Variants in ERAP2 observed in about 807,000 individuals in gnomAD.
ERAP2 encodes the protein leukocyte-derived arginine aminopeptidase.
In ERAP2, 118 loss-of-function variants were observed where a neutral mutation model predicts 111.1. The observed-to-expected ratio is 1.06, with a 90% confidence interval of 0.92 to 1.24. The LOEUF is 1.24. Among genes scored for constraint, ERAP2 ranks in the 50% most tolerant of loss-of-function variants. The probability of loss-of-function intolerance (pLI) is 0.00; values close to 1 mark genes in which losing one functional copy is unlikely to be tolerated. For synonymous variants in ERAP2, 410 were observed against 401.2 expected (o/e 1.02, Z -0.26); for missense variants, 1,131 against 1,125.8 (o/e 1.00, Z -0.07).
intron 1 of ERAP2, 121 bp from the exon 2 acceptor site, chr5:96,879,443 G>A (rs1052516189): frequency 4.7e-6 from 2 of 422,000 alleles, no homozygotes; most frequent in Non-Finnish European, 8.5e-6. Flanking sequence ...GTGGATACTT[G>A]GCCTAATTCT....
Position 96,917,610 on chromosome 5 carries a change from T to A in ERAP2, c.*5T>A. On this transcript the variant is annotated 3_prime_UTR_variant, in exon 19 of 19. Transcript: ENST00000437043. ...TGGCTAATGGTTAATACTTAAATGG[T>A]CAATAGAAAAAGTAGGCTGGGCGCG... 1 of 1,602,092 alleles carries A rather than the reference T, an allele frequency of 6.2e-7. No homozygotes were observed. Among genetic ancestry groups the A allele is most frequent in the South Asian group, 1.1e-5 (1 of 90,442 alleles).
At chr5:96,884,180 G>T (rs1783489416) in intron 3 of ERAP2, among the ~76,000 whole-genome samples, 1 of 151,708 alleles carries the variant, frequency 6.6e-6, no homozygotes, top group South Asian at 2.1e-4. Context: ...TTTATATTTT[G>T]TGTTCATATG....
chr5:96,915,967 A>C (rs1467748942), intron 18 of ERAP2, 198 bp downstream of exon 18: 1 of 429,440 alleles, frequency 2.3e-6, no homozygotes, highest in East Asian at 4.2e-5. Flanking sequence ...TCACACCTGT[A>C]ATCCCACCAC....
intron 12 of ERAP2, 57 bp downstream of exon 12, chr5:96,902,410 G>A: frequency 1.9e-6 from 2 of 1,072,428 alleles, no homozygotes; most frequent in South Asian, 1.3e-5. Context: ...CATGTGTTGA[G>A]CTATTTGAAG....
intron 2 of ERAP2, chr5:96,881,346 T>C: frequency 2.2e-6 from 1 of 450,020 alleles, no homozygotes; most frequent in Non-Finnish European, 4.5e-6. Context: ...ACAATTGAAC[T>C]TGGCAGTTAT....
At chr5:96,886,839 G>C (rs767771058) in intron 4 of ERAP2, 50 bp downstream of exon 4, 19 of 1,338,162 alleles carry the variant, frequency 1.4e-5, no homozygotes, top group Non-Finnish European at 1.8e-5. Context: ...TGTCCTGAGA[G>C]CAATGAACTT....
chr5:96,910,705 G>A (rs117858047), intron 15 of ERAP2, among the ~76,000 whole-genome samples: 1 of 152,142 alleles, frequency 6.6e-6, no homozygotes, highest in Admixed American at 6.6e-5. Flanking sequence ...ACTTATTTAT[G>A]CTCACAATCA....
chr5:96,908,937 A>C lies in ERAP2; in HGVS notation c.2013-24A>C, dbSNP rs781174796. Reference sequence around the variant, plus strand: ...AAAAACTATAAGATATGCACAAACCACTGACATTTGTTTTATACTTCAGTG... The same window carrying C: ...AAAAACTATAAGATATGCACAAACCCCTGACATTTGTTTTATACTTCAGTG... On this transcript the variant is annotated intron_variant, in intron 13 of 18. Transcript: ENST00000437043. The C allele has an allele frequency of 6.9e-6, 11 of 1,604,010 alleles. No homozygotes were observed. In the East Asian group the frequency reaches 2.0e-4, roughly 29 times the overall value.
intron 1 of ERAP2, among the ~76,000 whole-genome samples, chr5:96,878,615 G>GAC (rs1782806089): frequency 2.0e-5 from 3 of 151,558 alleles, no homozygotes; most frequent in Admixed American, 6.6e-5. Context: ...GCAACATGGT[G>GAC]ACACATTGTC....
chr5:96,905,045 G>A (rs1278308370), intron 13 of ERAP2, among the ~76,000 whole-genome samples: 1 of 151,940 alleles, frequency 6.6e-6, no homozygotes. Context: ...AATAATATCC[G>A]ATATACAAGG....
intron 13 of ERAP2, among the ~76,000 whole-genome samples, chr5:96,905,285 G>GA (rs1272619674): frequency 2.0e-5 from 3 of 152,040 alleles, no homozygotes; most frequent in Non-Finnish European, 4.4e-5. Flanking sequence ...AACTACAAAT[G>GA]AAAAAAATAA....
intron 18 of ERAP2, 86 bp downstream of exon 18, chr5:96,915,855 A>T: frequency 8.5e-7 from 1 of 1,181,410 alleles, no homozygotes; most frequent in Non-Finnish European, 1.2e-6. Flanking sequence ...TCTGATTTGA[A>T]GTTCTCATTT....
intron 1 of ERAP2, among the ~76,000 whole-genome samples, chr5:96,879,063 A>C (rs1270949089): frequency 6.6e-6 from 1 of 152,120 alleles, no homozygotes; most frequent in Non-Finnish European, 1.5e-5. Flanking sequence ...CCATCTCTAC[A>C]AAAAAGGTAG....
At chr5:96,893,811 A>G (rs1301531185) in intron 6 of ERAP2, among the ~76,000 whole-genome samples, 4 of 152,182 alleles carry the variant, frequency 2.6e-5, no homozygotes, top group African/African-American at 9.6e-5. Flanking sequence ...CAAGGTTCCC[A>G]TGACCCAGCT....
At chr5:96,882,798 G>A (rs1318120715) in intron 2 of ERAP2, among the ~76,000 whole-genome samples, 1 of 152,168 alleles carries the variant, frequency 6.6e-6, no homozygotes, top group Non-Finnish European at 1.5e-5. Context: ...CCCAGCCTGT[G>A]TCATAGAAAT....
chr5:96,901,477 T>G, intron 10 of ERAP2, 29 bp from the exon 11 acceptor site: 4 of 1,609,220 alleles, frequency 2.5e-6, no homozygotes, highest in South Asian at 1.1e-5. Context: ...TCCTCTCTCT[T>G]GAGTTATCAT....
Position 96,917,539 on chromosome 5 carries a change from C to A in ERAP2, c.2817C>A (p.Thr939=), listed in dbSNP as rs773341446. 2.2e-5 allele frequency: 35 copies of A among 1,611,642 alleles called. No individual in the cohort carries two copies. Among genetic ancestry groups the A allele is most frequent in the African/African-American group, 2.7e-5 (2 of 74,750 alleles). The stretch of plus-strand genomic sequence containing the variant: ...TTCAAACTGTTCTGGAAACGATAAC[C>A]AAAAATATAAAATGGCTGGAGAAGA... ...DIFQTVLETI[T]KNIKWLEKNL... The change falls in exon 19 of 19, where the codon ACC becomes ACA. Residue 939 remains threonine (T), a synonymous_variant. Coordinates refer to ENST00000437043, the MANE Select transcript of ERAP2 (RefSeq NM_022350.5).
chr5:96,892,248 T>C, intron 5 of ERAP2, 51 bp from the exon 6 acceptor site: 1 of 1,591,206 alleles, frequency 6.3e-7, no homozygotes, highest in Non-Finnish European at 8.6e-7. Flanking sequence ...GCAAATTCTA[T>C]TTCTGGTGTG....
chr5:96,900,540 T>G (rs1272936021), intron 10 of ERAP2, among the ~76,000 whole-genome samples: 1 of 152,142 alleles, frequency 6.6e-6, no homozygotes, highest in African/African-American at 2.4e-5. Flanking sequence ...ACAGTATATG[T>G]TTTTCTTTTT....
Sources: gnomAD v4.1 joint callset for allele counts (sites outside exome capture counted in the v4.1 genomes callset) on GRCh38, gnomAD v4.1.1 for gene constraint, MANE v1.5 for transcripts, NCBI Gene and HGNC (gene_info 2026-07-23, HGNC 2026-07-21) for gene names.